Variants in PEDS1 observed in about 807,000 individuals in gnomAD.
PEDS1 encodes plasmanylethanolamine desaturase 1.
Under a neutral mutation model 35.2 loss-of-function variants are expected in PEDS1, and 14 were observed. The observed-to-expected ratio is 0.40, with a 90% CI of 0.26 to 0.62. PEDS1 has a LOEUF of 0.62. Ranked by LOEUF, PEDS1 falls within the 20% of genes least tolerant of loss-of-function variation. The pLI, the probability that PEDS1 is intolerant of heterozygous loss-of-function variation, is 0.44. For missense variants in PEDS1, 260 were observed against 367.8 expected (o/e 0.71, Z 2.40); for synonymous variants, 152 against 152.0 (o/e 1.00, Z 0.00).
At chr20:50,127,147 G>C (rs1273775355) in intron 5 of PEDS1, among the ~76,000 whole-genome samples, 1 of 152,062 alleles carries the variant, frequency 6.6e-6, no homozygotes, top group Non-Finnish European at 1.5e-5. Flanking sequence ...TCAGCTCCTC[G>C]GGGTCTTTGT....
chr20:50,149,975 T>C (rs1601236155), intron 1 of PEDS1, among the ~76,000 whole-genome samples: 1 of 152,120 alleles, frequency 6.6e-6, no homozygotes, highest in African/African-American at 2.4e-5. Context: ...TGGGTGCTCA[T>C]GAGGGGCCAA....
At position 50,120,233 on chromosome 20, in the gene PEDS1, C is replaced by A; in HGVS notation, c.*4825G>T. The A allele has an allele frequency of 5.3e-6, 1 of 187,778 alleles. No individual in the cohort carries two copies. The highest frequency in any genetic ancestry group is 1.1e-5 in the Non-Finnish European group (1 of 90,204). 11.6% of individuals were successfully genotyped at this position (187,778 alleles called of 1,614,324 possible). A position where few individuals can be genotyped will look rare whatever the true frequency, so the allele number is the denominator to read the frequency against. ...TGAGCTGTGATTGTGCCACTGCACTCCAGCCTGGACAACAGAGCAAGACCC... is the reference window on the plus strand; with the variant it reads ...TGAGCTGTGATTGTGCCACTGCACTACAGCCTGGACAACAGAGCAAGACCC... On this transcript the variant is annotated 3_prime_UTR_variant, in exon 6 of 6. Coordinates refer to ENST00000371652, the MANE Select transcript of PEDS1 (RefSeq NM_199129.4).
chr20:50,125,312 G>A (rs749106096), intron 5 of PEDS1, 133 bp from the exon 6 acceptor site: 34 of 1,239,482 alleles, frequency 2.7e-5, no homozygotes, highest in South Asian at 6.3e-5. Context: ...ACAGGGACCG[G>A]CCAAGGAACT....
At chr20:50,127,948 C>T (rs769943814) in intron 5 of PEDS1, 27 bp downstream of exon 5, 1 of 1,606,262 alleles carries the variant, frequency 6.2e-7, no homozygotes, top group South Asian at 1.1e-5. Flanking sequence ...GTGGGGAAAG[C>T]CCATTCCACG....
At chr20:50,141,947 G>A (rs768867977) in intron 2 of PEDS1, among the ~76,000 whole-genome samples, 4 of 152,176 alleles carry the variant, frequency 2.6e-5, no homozygotes, top group Non-Finnish European at 4.4e-5. Flanking sequence ...CCTTAGGAAG[G>A]GCCAGGCAGG....
intron 1 of PEDS1, among the ~76,000 whole-genome samples, chr20:50,151,611 G>C (rs1276335660): frequency 6.6e-6 from 1 of 152,226 alleles, no homozygotes; most frequent in Admixed American, 6.5e-5. Context: ...TGTAATCCCA[G>C]CACTGTGGGA....
intron 2 of PEDS1, chr20:50,131,177 G>C: frequency 2.8e-6 from 3 of 1,056,068 alleles, no homozygotes; most frequent in East Asian, 2.6e-5. Flanking sequence ...GGAGAGTCTG[G>C]AGAGCATAAA....
Position 50,124,891 on chromosome 20 carries a change from G to A in PEDS1, c.*167C>T. 1.2e-6 allele frequency: 1 copy of A among 824,296 alleles called. No homozygotes were observed. The highest frequency in any genetic ancestry group is 1.9e-6 in the Non-Finnish European group (1 of 538,356). The allele number at this position is 824,296 out of a possible 1,614,324, so 51.1% of individuals were successfully genotyped here. A position where few individuals can be genotyped will look rare whatever the true frequency, so the allele number is the denominator to read the frequency against. On this transcript the variant is annotated 3_prime_UTR_variant, in exon 6 of 6. Transcript: ENST00000371652. ...AAAAAAAAAAAGAAATGAAAAATCA[G>A]TGGCTCAAGTATTCTGTGTCATGAG...
chr20:50,136,883 C>T (rs2081241534), intron 2 of PEDS1, among the ~76,000 whole-genome samples: 1 of 151,932 alleles, frequency 6.6e-6, no homozygotes, highest in South Asian at 2.1e-4. Flanking sequence ...TATAAAATAA[C>T]AAAATTCGCC....
rs907243068 is a variant in PEDS1 at position 50,150,578 on chromosome 20, A to G, written c.121+2939T>C. The stretch of plus-strand genomic sequence containing the variant: ...GTCATTCCTGTCCCCAACATTTCAG[A>G]TCCCCCTCTCCTGCTATGTATTTGC... On this transcript the variant is annotated intron_variant, in intron 1 of 5. Transcript: ENST00000371652. Among the ~76,000 whole-genome samples the G allele has an allele frequency of 4.6e-5, 7 of 152,172 alleles. No individual in the cohort carries two copies. In the East Asian group the frequency reaches 1.4e-3, roughly 29 times the overall value.
intron 3 of PEDS1, among the ~76,000 whole-genome samples, chr20:50,130,269 C>G (rs2081163237): frequency 6.6e-6 from 1 of 152,178 alleles, no homozygotes; most frequent in Non-Finnish European, 1.5e-5. Flanking sequence ...AGGAGAAATG[C>G]TGTTCTCCTG....
chr20:50,143,431 C>T (rs558209360), intron 2 of PEDS1, 71 bp downstream of exon 2: 87 of 1,550,220 alleles, frequency 5.6e-5, no homozygotes, highest in East Asian at 3.6e-4. Flanking sequence ...GACACACACA[C>T]GCGCCAGTTA....
At chr20:50,140,910 G>A (rs2147292660) in intron 2 of PEDS1, among the ~76,000 whole-genome samples, 1 of 152,330 alleles carries the variant, frequency 6.6e-6, no homozygotes, top group East Asian at 1.9e-4. Flanking sequence ...ATTATCAGGG[G>A]ATTGTCTGCT....
In PEDS1 at chr20:50,129,774, G is replaced by A; in HGVS notation, c.334-84C>T. 6.4e-7 allele frequency: 1 copy of A among 1,560,240 alleles called. No homozygotes were observed. Among genetic ancestry groups the A allele is most frequent in the East Asian group, 2.3e-5 (1 of 44,174 alleles). ...CAGCCCCCTAAACACATTCACCCTG[G>A]GCTCACCTCCCGCCTTTGATCCTAA... On this transcript the variant is annotated intron_variant, in intron 3 of 5. Coordinates refer to ENST00000371652, the MANE Select transcript of PEDS1 (RefSeq NM_199129.4). This position sits in a 1 kb window ranked among gnomAD's most constrained non-coding sequence, Gnocchi z 4.2.
At chr20:50,126,304 G>A (rs1389492607) in intron 5 of PEDS1, among the ~76,000 whole-genome samples, 2 of 152,184 alleles carry the variant, frequency 1.3e-5, no homozygotes, top group East Asian at 3.8e-4. Flanking sequence ...GCACACTGAG[G>A]CTTAGAGAAG....
chr20:50,137,438 G>C (rs984714500), intron 2 of PEDS1, among the ~76,000 whole-genome samples: 3 of 152,180 alleles, frequency 2.0e-5, no homozygotes, highest in African/African-American at 7.2e-5. Context: ...CTGTACTTTT[G>C]CTATGATGTG....
intron 1 of PEDS1, among the ~76,000 whole-genome samples, chr20:50,144,591 A>C (rs2081327593): frequency 1.3e-5 from 2 of 152,224 alleles, no homozygotes; most frequent in Admixed American, 6.5e-5. Flanking sequence ...ACACGAGCCC[A>C]GACAAGCTGA....
chr20:50,151,356 G>A (rs1187641187), intron 1 of PEDS1: 3 of 1,215,496 alleles, frequency 2.5e-6, no homozygotes. Flanking sequence ...AATTGATCGT[G>A]GTGGAGTGGG....
chr20:50,149,300 A>C (rs954532769), intron 1 of PEDS1, among the ~76,000 whole-genome samples: 3 of 152,074 alleles, frequency 2.0e-5, no homozygotes, highest in Non-Finnish European at 4.4e-5. Context: ...GAGCCTCTGT[A>C]ATCCCCAGGG....
Sources: allele counts gnomAD v4.1 joint callset (sites outside exome capture counted in the v4.1 genomes callset), GRCh38; gene constraint gnomAD v4.1.1; non-coding constraint Gnocchi (gnomAD v3.1); transcripts MANE v1.5; gene names NCBI Gene and HGNC (gene_info 2026-07-23, HGNC 2026-07-21).